The following SAE1 variants were observed in gnomAD, a reference collection of about 807,000 sequenced individuals.
SAE1 encodes the protein SUMO-activating enzyme subunit 1.
In SAE1, 11 loss-of-function variants were observed where a neutral mutation model predicts 40.6. The ratio of observed to expected loss-of-function variants is 0.27; its 90% confidence interval spans 0.17 to 0.45. SAE1 has a LOEUF of 0.45. Ranked by LOEUF, SAE1 falls within the 20% of genes least tolerant of loss-of-function variation. The pLI is 1.00. For synonymous variants in SAE1, 155 were observed against 154.3 expected (o/e 1.00, Z -0.03); for missense variants, 373 against 427.3 (o/e 0.87, Z 1.12).
Position 47,130,917 on chromosome 19 carries a change from G to C in SAE1, c.-14G>C. ...TTGAGCGGGACCGGAGCTGAGGCAG[G>C]AAGAGCCGGCGCCATGGTGGAGAAG... On this transcript the variant is annotated 5_prime_UTR_variant, in exon 1 of 9. Transcript: ENST00000270225. The C allele has an allele frequency of 6.5e-7, 1 of 1,549,328 alleles. No individual in the cohort carries two copies.
chr19:47,148,257 G>T (rs1231384473), intron 2 of SAE1, among the ~76,000 whole-genome samples: 1 of 152,038 alleles, frequency 6.6e-6, no homozygotes, highest in African/African-American at 2.4e-5. Flanking sequence ...GGATGGAATG[G>T]GTCAAGGATA....
At chr19:47,132,320 C>G (rs935744041) in intron 1 of SAE1, among the ~76,000 whole-genome samples, 2 of 151,038 alleles carry the variant, frequency 1.3e-5, no homozygotes, top group African/African-American at 4.9e-5. Flanking sequence ...GGGATCACAG[C>G]TCACTGTAGC....
chr19:47,209,918 G>A lies in SAE1; in HGVS notation c.*667G>A, dbSNP rs1035673940. The A allele has an allele frequency of 6.6e-6, 1 of 152,336 alleles. No homozygotes were observed. The highest frequency in any genetic ancestry group is 2.4e-5 in the African/African-American group (1 of 41,474). 9.4% of individuals were successfully genotyped at this position (152,336 alleles called of 1,614,324 possible). A position where few individuals can be genotyped will look rare whatever the true frequency, so the allele number is the denominator to read the frequency against. On this transcript the variant is annotated 3_prime_UTR_variant, in exon 9 of 9. Coordinates refer to ENST00000270225, the MANE Select transcript of SAE1 (RefSeq NM_005500.3). ...TTTGGGAGAAAGGAGATGCTACCAAGTCTTGGATGTTAGGGCGAGACCCTG... is the reference window on the plus strand; with the variant it reads ...TTTGGGAGAAAGGAGATGCTACCAAATCTTGGATGTTAGGGCGAGACCCTG...
At chr19:47,209,092 A>G in intron 8 of SAE1, 67 bp from the exon 9 acceptor site, 1 of 1,535,460 alleles carries the variant, frequency 6.5e-7, no homozygotes, top group South Asian at 1.2e-5. Flanking sequence ...CTGCTTTTAG[A>G]ATTTTTTTTT....
chr19:47,202,538 G>A (rs191789371), intron 7 of SAE1, among the ~76,000 whole-genome samples: 1,787 of 151,146 alleles, frequency 0.012, 21 homozygotes, highest in Non-Finnish European at 0.02. Context: ...CGCCCACCTC[G>A]ACCTCCCAAA....
In SAE1 at chr19:47,203,680, C is replaced by T. The variant is rs751088718; in HGVS notation, c.888C>T (p.Phe296=). 5 of 1,614,032 alleles carry T rather than the reference C, an allele frequency of 3.1e-6. No individual in the cohort carries two copies. The highest frequency in any genetic ancestry group is 4.2e-6 in the Non-Finnish European group (5 of 1,179,944). ...TCTTCCTCTCTTTTAGGTACTGCTT[C>T]TCCGAGATGGCCCCAGTGTGTGCGG... ...LLPEDFVRYC[F]SEMAPVCAVV... The change falls in exon 8 of 9, where the codon TTC becomes TTT. Residue 296 remains phenylalanine, a synonymous_variant. Coordinates refer to ENST00000270225, the MANE Select transcript of SAE1 (RefSeq NM_005500.3).
At chr19:47,206,930 A>T (rs2058689593) in intron 8 of SAE1, among the ~76,000 whole-genome samples, 1 of 152,208 alleles carries the variant, frequency 6.6e-6, no homozygotes, top group Non-Finnish European at 1.5e-5. Context: ...TTCTGATCCA[A>T]GCTCCATGTG....
chr19:47,161,730 A>G (rs891677011), intron 5 of SAE1, among the ~76,000 whole-genome samples: 8 of 152,328 alleles, frequency 5.3e-5, no homozygotes, highest in Non-Finnish European at 1.2e-4. Context: ...TGTCCCTCCA[A>G]CAGAAGTTAC....
chr19:47,203,625 A>T, intron 7 of SAE1, 46 bp from the exon 8 acceptor site: 1 of 1,554,448 alleles, frequency 6.4e-7, no homozygotes, highest in Non-Finnish European at 8.9e-7. Flanking sequence ...TCATGGTCAC[A>T]GTTCTGTTCC....
intron 6 of SAE1, among the ~76,000 whole-genome samples, chr19:47,181,780 C>CTTTTTTTTT (rs36107839): frequency 1.0e-5 from 1 of 96,530 alleles, no homozygotes; most frequent in East Asian, 3.0e-4. Flanking sequence ...CACCTGGCCT[C>CTTTTTTTTT]TTTTTTTTTT....
chr19:47,139,397 G>C (rs938303512), intron 1 of SAE1, among the ~76,000 whole-genome samples: 3 of 151,862 alleles, frequency 2.0e-5, no homozygotes, highest in African/African-American at 7.3e-5. Context: ...TGTTGCCCAG[G>C]CTGGTTTCGA....
At chr19:47,173,325 C>T (rs2058447066) in intron 6 of SAE1, among the ~76,000 whole-genome samples, 1 of 152,154 alleles carries the variant, frequency 6.6e-6, no homozygotes, top group African/African-American at 2.4e-5. Context: ...AACCATGCAC[C>T]ACTGCCTGCC....
chr19:47,157,545 G>T (rs1600167275), intron 5 of SAE1, among the ~76,000 whole-genome samples: 2 of 152,314 alleles, frequency 1.3e-5, no homozygotes, highest in South Asian at 4.1e-4. Flanking sequence ...ACAGCTGGAA[G>T]TTTCCCTGGA....
intron 1 of SAE1, among the ~76,000 whole-genome samples, chr19:47,141,422 A>T (rs1180160938): frequency 6.6e-6 from 1 of 152,098 alleles, no homozygotes; most frequent in Admixed American, 6.6e-5. Context: ...GATTACAGGC[A>T]TGAGTCACCG....
chr19:47,147,529 T>C (rs1484934725), intron 2 of SAE1, among the ~76,000 whole-genome samples: 1 of 151,908 alleles, frequency 6.6e-6, no homozygotes, highest in Non-Finnish European at 1.5e-5. Context: ...CTTGGCTCAC[T>C]GCAACCTCCG....
chr19:47,176,182 A>G (rs1036750862), intron 6 of SAE1, among the ~76,000 whole-genome samples: 1 of 152,218 alleles, frequency 6.6e-6, no homozygotes, highest in African/African-American at 2.4e-5. Context: ...AAGAGCATAC[A>G]TACAAAAGTG....
At chr19:47,179,517 A>G (rs2058493157) in intron 6 of SAE1, among the ~76,000 whole-genome samples, 1 of 152,004 alleles carries the variant, frequency 6.6e-6, no homozygotes, top group South Asian at 2.1e-4. Flanking sequence ...AAAAAAAAGA[A>G]AAACTCTAAA....
At chr19:47,152,813 C>T (rs962389870) in intron 3 of SAE1, 85 bp from the exon 4 acceptor site, 4 of 1,316,130 alleles carry the variant, frequency 3.0e-6, no homozygotes, top group Non-Finnish European at 3.2e-6. Flanking sequence ...CCCAGAGAGA[C>T]TGTTCATTAA....
At chr19:47,165,456 TGGA>T (rs1383361461) in intron 5 of SAE1, among the ~76,000 whole-genome samples, 1 of 152,110 alleles carries the variant, frequency 6.6e-6, no homozygotes, top group Non-Finnish European at 1.5e-5. Flanking sequence ...TGAAGGATGG[TGGA>T]GAAGAGTGGC....
Sources: gnomAD v4.1 joint callset for allele counts (sites outside exome capture counted in the v4.1 genomes callset) on GRCh38, gnomAD v4.1.1 for gene constraint, MANE v1.5 for transcripts, NCBI Gene and HGNC (gene_info 2026-07-23, HGNC 2026-07-21) for gene names.